SEMA6D: variants seen among roughly 807,000 people sequenced by gnomAD.
SEMA6D encodes the protein semaphorin-6D.
In SEMA6D, 35 loss-of-function variants were observed where a neutral mutation model predicts 106.6. The ratio of observed to expected loss-of-function variants is 0.33; its 90% confidence interval spans 0.25 to 0.44. SEMA6D has a LOEUF of 0.44. Ranked by LOEUF, SEMA6D falls within the 20% of genes least tolerant of loss-of-function variation. The probability of loss-of-function intolerance (pLI) is 1.00; values close to 1 mark genes in which losing one functional copy is unlikely to be tolerated. For missense variants in SEMA6D, 1,185 were observed against 1,345.9 expected (o/e 0.88, Z 1.87); for synonymous variants, 499 against 487.7 (o/e 1.02, Z -0.31).
rs923722952 is a variant in SEMA6D, at chr15:47,189,412, G to T, written c.-239+4994G>T. On this transcript the variant is annotated intron_variant, in intron 1 of 19. Coordinates refer to the SEMA6D transcript ENST00000558014. Reference sequence around the variant, plus strand: ...GTACTTGAATCAACAACCATTTTCAGCTCTTAGAAGGGACCACCCACAAAA... The same window carrying T: ...GTACTTGAATCAACAACCATTTTCATCTCTTAGAAGGGACCACCCACAAAA... Among the ~76,000 whole-genome samples the T allele has an allele frequency of 3.3e-5, 5 of 152,248 alleles. No individual in the cohort carries two copies. The East Asian group carries it at 9.6e-4, about 29-fold the overall frequency.
At chr15:47,718,249 C>T (rs2079205734) in intron 1 of SEMA6D, among the ~76,000 whole-genome samples, 2 of 152,322 alleles carry the variant, frequency 1.3e-5, no homozygotes, top group Non-Finnish European at 2.9e-5. Context: ...GGCCCCAGAG[C>T]GGACGCTGGG....
chr15:47,337,313 C>T (rs1473430868), intron 1 of SEMA6D, among the ~76,000 whole-genome samples: 5 of 152,098 alleles, frequency 3.3e-5, no homozygotes, highest in East Asian at 1.9e-4. Flanking sequence ...CCAATAAAAA[C>T]GGTTTTGTTT....
intron 1 of SEMA6D, among the ~76,000 whole-genome samples, chr15:47,302,046 G>A (rs1344008274): frequency 6.6e-6 from 1 of 152,088 alleles, no homozygotes; most frequent in African/African-American, 2.4e-5. Context: ...TGCTGAATAT[G>A]CACCAGCCCC....
chr15:47,750,575 T>C (rs1047629975), intron 1 of SEMA6D, among the ~76,000 whole-genome samples: 2 of 152,232 alleles, frequency 1.3e-5, no homozygotes, highest in Non-Finnish European at 2.9e-5. Context: ...CCTTGCTCCT[T>C]CAGAATGCAC....
At chr15:47,435,167 G>A (rs915808003) in intron 2 of SEMA6D, among the ~76,000 whole-genome samples, 3 of 152,106 alleles carry the variant, frequency 2.0e-5, no homozygotes, top group African/African-American at 7.2e-5. Context: ...TGGTGGGGAA[G>A]CTGGGCTTTT....
intron 3 of SEMA6D, chr15:47,581,249 G>GC: frequency 2.5e-6 from 1 of 406,018 alleles, no homozygotes; most frequent in South Asian, 1.9e-5. Flanking sequence ...TGCATGTTGG[G>GC]CCCCCAACCC....
intron 4 of SEMA6D, among the ~76,000 whole-genome samples, chr15:47,608,189 T>C (rs767990114): frequency 4.6e-5 from 7 of 152,208 alleles, no homozygotes; most frequent in Non-Finnish European, 5.9e-5. Flanking sequence ...AACATGATGG[T>C]AATTTACTTA....
chr15:47,603,503 G>C (rs1045896487), intron 4 of SEMA6D: 1 of 152,028 alleles, frequency 6.6e-6, no homozygotes, highest in African/African-American at 2.4e-5. Flanking sequence ...CAACTAACTG[G>C]TTCTGACTTT....
chr15:47,604,955 C>T (rs1481280043), intron 4 of SEMA6D, among the ~76,000 whole-genome samples: 2 of 152,008 alleles, frequency 1.3e-5, no homozygotes, highest in East Asian at 3.9e-4. Flanking sequence ...ATCTGCCTGC[C>T]TCAGCCTCCC....
At chr15:47,749,135 G>A (rs1463145263) in intron 1 of SEMA6D, among the ~76,000 whole-genome samples, 1 of 145,210 alleles carries the variant, frequency 6.9e-6, no homozygotes, top group Non-Finnish European at 1.5e-5. Flanking sequence ...AGGCTGGAGT[G>A]CAGTGGTGTG....
chr15:47,653,491 G>A (rs2077731698), intron 4 of SEMA6D, among the ~76,000 whole-genome samples: 1 of 152,308 alleles, frequency 6.6e-6, no homozygotes, highest in East Asian at 1.9e-4. Flanking sequence ...GATGCCTCTA[G>A]TGTTTCCTTC....
At chr15:47,200,785 T>C (rs561206548) in intron 1 of SEMA6D, among the ~76,000 whole-genome samples, 6 of 152,334 alleles carry the variant, frequency 3.9e-5, no homozygotes, top group African/African-American at 1.4e-4. Context: ...TACACATTTA[T>C]AGGTAGAAAA....
intron 1 of SEMA6D, among the ~76,000 whole-genome samples, chr15:47,319,405 G>A (rs755942582): frequency 1.2e-4 from 19 of 152,198 alleles, no homozygotes; most frequent in Non-Finnish European, 1.8e-4. Flanking sequence ...TAAATGGACA[G>A]CTGTAAGTAG....
chr15:47,564,900 C>T (rs1042807271), intron 3 of SEMA6D, among the ~76,000 whole-genome samples: 1 of 152,140 alleles, frequency 6.6e-6, no homozygotes, highest in African/African-American at 2.4e-5. Flanking sequence ...AGCAGCTTGA[C>T]TTCAGAGGGA....
At chr15:47,210,499 G>A (rs1260179166) in intron 1 of SEMA6D, among the ~76,000 whole-genome samples, 1 of 151,904 alleles carries the variant, frequency 6.6e-6, no homozygotes, top group Non-Finnish European at 1.5e-5. Context: ...GCCGGGCCGG[G>A]CGCAGTGGCT....
At chr15:47,487,200 G>A (rs576369065) in intron 3 of SEMA6D, among the ~76,000 whole-genome samples, 2 of 152,306 alleles carry the variant, frequency 1.3e-5, no homozygotes, top group African/African-American at 4.8e-5. Context: ...AGTTGCAAGT[G>A]ACATTGTGCA....
chr15:47,481,355 G>C (rs2043148382), intron 3 of SEMA6D, among the ~76,000 whole-genome samples: 1 of 152,158 alleles, frequency 6.6e-6, no homozygotes, highest in Non-Finnish European at 1.5e-5. Context: ...CTGTACTTAA[G>C]TGCATGAAGA....
rs1334371950 is a variant in SEMA6D at position 47,771,667 on chromosome 15, G to A, written c.3104G>A (p.Gly1035Asp). Residue 1035 changes from glycine to aspartate, a missense_variant, in exon 19 of 19, where the codon GGC becomes GAC. Physicochemically the swap from Gly to Asp is moderately conservative, Grantham distance 94. Coordinates refer to ENST00000536845, the MANE Select transcript of SEMA6D (RefSeq NM_001358351.3). Reference protein sequence around the residue: ...LSRQSSYTSNGTLPRTGLKRT... With the variant: ...LSRQSSYTSNDTLPRTGLKRT... Reference sequence around the variant, plus strand: ...AGACAGAGCAGCTACACCAGTAATGGCACTCTTCCTAGGACGGGACTAAAG... The same window carrying A: ...AGACAGAGCAGCTACACCAGTAATGACACTCTTCCTAGGACGGGACTAAAG... The A allele has an allele frequency of 1.2e-6, 2 of 1,614,068 alleles. No homozygotes were observed. The highest frequency in any genetic ancestry group is 1.7e-6 in the Non-Finnish European group (2 of 1,179,968).
At chr15:47,762,706 T>C (rs1295640405) in intron 8 of SEMA6D, among the ~76,000 whole-genome samples, 1 of 152,220 alleles carries the variant, frequency 6.6e-6, no homozygotes, top group Admixed American at 6.5e-5. Context: ...TCAAGATTTT[T>C]TATTTTCAGT....
Sources: allele counts gnomAD v4.1 joint callset (sites outside exome capture counted in the v4.1 genomes callset), GRCh38; gene constraint gnomAD v4.1.1; transcripts MANE v1.5; gene names NCBI Gene and HGNC (gene_info 2026-07-23, HGNC 2026-07-21).